GBA2: variants seen among roughly 807,000 people sequenced by gnomAD.
GBA2 encodes non-lysosomal glucosylceramidase.
A neutral mutation model predicts 112.9 loss-of-function variants in GBA2; 79 were observed. That is an observed-to-expected ratio of 0.70 (90% confidence interval 0.58 to 0.84). The LOEUF is 0.84. GBA2 is among the 40% of genes least tolerant of loss of function. The pLI is 0.00. For missense variants in GBA2, 1,043 were observed against 1,190.0 expected (o/e 0.88, Z 1.82); for synonymous variants, 403 against 434.3 (o/e 0.93, Z 0.90).
chr9:35,744,614 C>T lies in GBA2; in HGVS notation c.451+1G>A, dbSNP rs769002624. 6.3e-7 allele frequency: 1 copy of T among 1,578,070 alleles called. No individual in the cohort carries two copies. The highest frequency in any genetic ancestry group is 1.3e-5 in the African/African-American group (1 of 74,284). On this transcript the variant is annotated splice_donor_variant, in intron 2 of 16. Transcript: ENST00000378103. LOFTEE classifies it high-confidence loss of function. ...CAGAGCAGAGATGGGGTGGGGCTCA[C>T]CATAAATCTGTCTTAGGGGTACAGA...
At chr9:35,738,442 AAT>A in intron 13 of GBA2, 68 bp from the exon 14 acceptor site, 1 of 1,593,694 alleles carries the variant, frequency 6.3e-7, no homozygotes, top group Non-Finnish European at 8.6e-7. Flanking sequence ...TGTAATAGAC[AAT>A]GAGTCATTCT....
Position 35,739,075 on chromosome 9 carries a change from T to A in GBA2, c.1722A>T (p.Arg574=), listed in dbSNP as rs1213316539. The part of the protein sequence containing the change: ...LATLREDLTR[R]RYLMSGVMAP... ...CCATCACCCCACTCATCAGGTACCG[T>A]CGCCGTGTCAGGTCCTCCCTGAGAG... Residue 574 remains arginine, a synonymous_variant, in exon 11 of 17, where the codon CGA becomes CGT. Coordinates refer to ENST00000378103, the MANE Select transcript of GBA2 (RefSeq NM_020944.3). The A allele has an allele frequency of 1.2e-6, 2 of 1,612,404 alleles. No homozygotes were observed. Among genetic ancestry groups the A allele is most frequent in the Non-Finnish European group, 1.7e-6 (2 of 1,179,524 alleles).
At position 35,740,593 on chromosome 9, in the gene GBA2, G is replaced by A; in HGVS notation, c.1062C>T (p.Asp354=). The A allele has an allele frequency of 2.5e-6, 4 of 1,614,032 alleles. No homozygotes were observed. In the East Asian group the frequency reaches 8.9e-5, roughly 36 times the overall value. The part of the protein sequence containing the change: ...ATTVTHITAF[D]PDSTGQQVWQ... ...ACACCTGCTGCCCCGTGCTGTCAGG[G>A]TCAAAGGCTGTGATGTGGGTTACCG... Residue 354 remains aspartate (D), a synonymous_variant, in exon 6 of 17, where the codon GAC becomes GAT. Coordinates refer to ENST00000378103, the MANE Select transcript of GBA2 (RefSeq NM_020944.3). The surrounding 1 kb of genome is among the most constrained non-coding windows in gnomAD (Gnocchi z 4.7).
At chr9:35,738,408 G>A (rs1461640295) in intron 13 of GBA2, 34 bp from the exon 14 acceptor site, 1 of 1,609,042 alleles carries the variant, frequency 6.2e-7, no homozygotes, top group South Asian at 1.1e-5. Flanking sequence ...GGTCAGACTG[G>A]CAGCTCCAGC....
rs1826686828 is a variant in GBA2 at position 35,741,561 on chromosome 9, G to C, written c.786+111C>G. On this transcript the variant is annotated intron_variant, in intron 4 of 16. Transcript: ENST00000378103. The surrounding 1 kb of genome is among the most constrained non-coding windows in gnomAD (Gnocchi z 4.6). ...GATCCGCCTGCCTTGGCCTCCCAAA[G>C]TGTTGGGATTACAGGCGTGAGCTAC... The C allele has an allele frequency of 1.3e-6, 1 of 780,614 alleles. No homozygotes were observed. The highest frequency in any genetic ancestry group is 1.7e-5 in the African/African-American group (1 of 59,074). 48.4% of individuals were successfully genotyped at this position (780,614 alleles called of 1,614,324 possible). A position where few individuals can be genotyped will look rare whatever the true frequency, so the allele number is the denominator to read the frequency against.
In GBA2 at chr9:35,748,412, C is replaced by T. The variant is rs1364491395; in HGVS notation, c.293G>A (p.Arg98Lys). The change falls in exon 1 of 17, where the codon AGG becomes AAG. Residue 98 changes from arginine to lysine, a missense_variant. Transcript: ENST00000378103. ...GACGTTGTTAGCTTGAAAGGGTTTC[C>T]TCTTCTCTGTAAACTCATGAGCCAG... ...ICLAHEFTEK[R>K]KPFQANNVSL... is the part of the protein sequence containing the mutation. 6 of 1,614,194 alleles carry T rather than the reference C, an allele frequency of 3.7e-6. No homozygotes were observed. The highest frequency in any genetic ancestry group is 4.2e-6 in the Non-Finnish European group (5 of 1,180,020).
chr9:35,737,686 G>A lies in GBA2; in HGVS notation c.2505+62C>T, dbSNP rs753906293. Reference sequence around the variant, plus strand: ...GGTTATGCCTTGAAGAAATTTGGTGGTTGAGGAAGTTTTCTGGGCCAGGAT... The same window carrying A: ...GGTTATGCCTTGAAGAAATTTGGTGATTGAGGAAGTTTTCTGGGCCAGGAT... On this transcript the variant is annotated intron_variant, in intron 16 of 16. Coordinates refer to ENST00000378103, the MANE Select transcript of GBA2 (RefSeq NM_020944.3). This position sits in a 1 kb window ranked among gnomAD's most constrained non-coding sequence, Gnocchi z 4.1. 99 of 1,610,878 alleles carry A rather than the reference G, an allele frequency of 6.1e-5. No individual in the cohort carries two copies. Among genetic ancestry groups the A allele is most frequent in the Non-Finnish European group, 4.5e-5 (53 of 1,177,176 alleles).
chr9:35,745,651 G>A (rs1826936704), intron 1 of GBA2, among the ~76,000 whole-genome samples: 1 of 151,056 alleles, frequency 6.6e-6, no homozygotes. Flanking sequence ...GCTTGGTACA[G>A]CCCTATATCC....
chr9:35,742,969 C>G (rs1391243241), intron 3 of GBA2, among the ~76,000 whole-genome samples: 1 of 152,176 alleles, frequency 6.6e-6, no homozygotes, highest in Non-Finnish European at 1.5e-5. Context: ...TATGTACACA[C>G]TTTATTTACT....
chr9:35,741,654 C>G lies in GBA2; in HGVS notation c.786+18G>C. 1 of 1,484,330 alleles carries G rather than the reference C, an allele frequency of 6.7e-7. No individual in the cohort carries two copies. The highest frequency in any genetic ancestry group is 9.4e-7 in the Non-Finnish European group (1 of 1,061,546). 91.9% of individuals were successfully genotyped at this position (1,484,330 alleles called of 1,614,324 possible). On this transcript the variant is annotated intron_variant, in intron 4 of 16. Transcript: ENST00000378103. The surrounding 1 kb of genome is among the most constrained non-coding windows in gnomAD (Gnocchi z 4.6). ...GGGGAAGGGAGGGCAATGGAAGATA[C>G]AGATGTGGGGGCCTCACCTGGTAGT...
intron 10 of GBA2, 64 bp from the exon 11 acceptor site, chr9:35,739,173 G>T: frequency 9.0e-7 from 1 of 1,105,938 alleles, no homozygotes; most frequent in Non-Finnish European, 1.4e-6. Context: ...ACACAGCTAT[G>T]TGTGTGACTG....
Position 35,740,158 on chromosome 9 carries a change from C to A in GBA2, c.1284-35G>T, listed in dbSNP as rs1826561445. 2 of 1,613,880 alleles carry A rather than the reference C, an allele frequency of 1.2e-6. No individual in the cohort carries two copies. Among genetic ancestry groups the A allele is most frequent in the African/African-American group, 1.3e-5 (1 of 74,888 alleles). On this transcript the variant is annotated intron_variant, in intron 7 of 16. Transcript: ENST00000378103. This position sits in a 1 kb window ranked among gnomAD's most constrained non-coding sequence, Gnocchi z 4.7. ...GAAGGGGAAGGATGAACACAAGCCC[C>A]AGGTCAGAGCCCCAGCACTCTGGAT...
In GBA2 at chr9:35,741,681, A is replaced by G; in HGVS notation, c.777T>C (p.His259=). The change falls in exon 4 of 17, where the codon CAT becomes CAC. Residue 259 remains histidine, a synonymous_variant. Coordinates refer to ENST00000378103, the MANE Select transcript of GBA2 (RefSeq NM_020944.3). This position sits in a 1 kb window ranked among gnomAD's most constrained non-coding sequence, Gnocchi z 4.6. ...TCRQITPILP[H]DYQDSSLPVG... The stretch of plus-strand genomic sequence containing the variant: ...GATGTGGGGGCCTCACCTGGTAGTC[A>G]TGGGGCAAGATGGGTGTGATCTGAC... The G allele has an allele frequency of 6.2e-7, 1 of 1,603,824 alleles. No homozygotes were observed. Among genetic ancestry groups the G allele is most frequent in the Non-Finnish European group, 8.5e-7 (1 of 1,170,662 alleles).
Position 35,748,570 on chromosome 9 carries a change from A to T in GBA2, c.135T>A (p.Cys45Ter), listed in dbSNP as rs767989187. Residue 45 changes from cysteine (C) to a stop codon, truncating the protein, a stop_gained, in exon 1 of 17, where the codon TGT becomes TGA. Coordinates refer to ENST00000378103, the MANE Select transcript of GBA2 (RefSeq NM_020944.3). LOFTEE classifies it high-confidence loss of function. The stretch of plus-strand genomic sequence containing the variant: ...GGGGTCGGCTGTCTTCGGGACTCTT[A>T]CAGTCTGTAACCTGCACATCCTTGG... Reference protein sequence around the residue: ...GGTKDVQVTDCKSPEDSRPPK... With the variant: ...GGTKDVQVTD 1 of 1,614,106 alleles carries T rather than the reference A, an allele frequency of 6.2e-7. No individual in the cohort carries two copies. Among genetic ancestry groups the T allele is most frequent in the Admixed American group, 1.7e-5 (1 of 60,010 alleles).
chr9:35,740,023 A>G lies in GBA2; in HGVS notation c.1384T>C (p.Trp462Arg). The change falls in exon 8 of 17, where the codon TGG becomes CGG. Residue 462 changes from tryptophan (W) to arginine (R), a missense_variant. By Grantham distance (101) the Trp-to-Arg change is moderately radical. Transcript: ENST00000378103. This position sits in a 1 kb window ranked among gnomAD's most constrained non-coding sequence, Gnocchi z 4.7. ...CTGTCATCCAATACCGGGCTCTGCC[A>G]AGCTGAGATCCTCTCTTCCCACTCT... Reference protein sequence around the residue: ...YAEWEERISAWQSPVLDDRSL... With the variant: ...YAEWEERISARQSPVLDDRSL... The G allele has an allele frequency of 1.2e-6, 2 of 1,614,148 alleles. No individual in the cohort carries two copies. Among genetic ancestry groups the G allele is most frequent in the Non-Finnish European group, 1.7e-6 (2 of 1,180,004 alleles).
chr9:35,740,645 G>T lies in GBA2; in HGVS notation c.1027-17C>A. 1 of 1,589,038 alleles carries T rather than the reference G, an allele frequency of 6.3e-7. No individual in the cohort carries two copies. Among genetic ancestry groups the T allele is most frequent in the South Asian group, 1.1e-5 (1 of 90,508 alleles). ...GGTAGCTGCCTGTGAAGGGGTCAGG[G>T]ACTGTGAGGGCAGGCTCCACGAGTA... is the stretch of plus-strand genomic sequence containing the variant. On this transcript the variant is annotated splice_polypyrimidine_tract_variant and intron_variant, in intron 5 of 16. Transcript: ENST00000378103. This position sits in a 1 kb window ranked among gnomAD's most constrained non-coding sequence, Gnocchi z 4.7.
In GBA2 at chr9:35,738,999, T is replaced by C. The variant is rs1372193195; in HGVS notation, c.1795+3A>G. On this transcript the variant is annotated splice_donor_region_variant and intron_variant, in intron 11 of 16. Coordinates refer to ENST00000378103, the MANE Select transcript of GBA2 (RefSeq NM_020944.3). ...GGAAGCTGACCTTGGGGTGGACTTT[T>C]ACCTGGGTCCCCAATATCATGGGGG... 3 of 1,610,940 alleles carry C rather than the reference T, an allele frequency of 1.9e-6. No homozygotes were observed. Among genetic ancestry groups the C allele is most frequent in the Non-Finnish European group, 2.5e-6 (3 of 1,177,414 alleles).
rs111887112 is a variant in GBA2 at position 35,741,350 on chromosome 9, G to A, written c.787-286C>T. On this transcript the variant is annotated intron_variant, in intron 4 of 16. Coordinates refer to ENST00000378103, the MANE Select transcript of GBA2 (RefSeq NM_020944.3). The surrounding 1 kb of genome is among the most constrained non-coding windows in gnomAD (Gnocchi z 4.6). ...CTTTTTTTTTTTTTTTGGGGGGTGCGGTGGCGCAATCTCGGCTCACTGCAA... is the reference window on the plus strand; with the variant it reads ...CTTTTTTTTTTTTTTTGGGGGGTGCAGTGGCGCAATCTCGGCTCACTGCAA... The A allele has an allele frequency of 5.2e-3, 2,672 of 512,356 alleles. 41 individuals are homozygous for A. Among genetic ancestry groups the A allele is most frequent in the African/African-American group, 0.043 (2,228 of 51,756 alleles). 31.7% of individuals were successfully genotyped at this position (512,356 alleles called of 1,614,324 possible).
In GBA2 at chr9:35,739,404, A is replaced by T. The variant is rs1317730630; in HGVS notation, c.1598T>A (p.Met533Lys). ...AAAGTGGACATCATATGTGTTGTAC[A>T]TGCGGTACTCCTGGCCTGGAGGAAT... ...FGYLEGQEYR[M>K]YNTYDVHFYA... The change falls in exon 10 of 17, where the codon ATG becomes AAG. Residue 533 changes from methionine (M) to lysine (K), a missense_variant. Transcript: ENST00000378103. 6.2e-7 allele frequency: 1 copy of T among 1,611,368 alleles called. No homozygotes were observed. The highest frequency in any genetic ancestry group is 8.5e-7 in the Non-Finnish European group (1 of 1,177,598).
Sources: allele counts gnomAD v4.1 joint callset (sites outside exome capture counted in the v4.1 genomes callset), GRCh38; gene constraint gnomAD v4.1.1; non-coding constraint Gnocchi (gnomAD v3.1); transcripts MANE v1.5; gene names NCBI Gene and HGNC (gene_info 2026-07-23, HGNC 2026-07-21).